PCDHGA6: variants seen among roughly 807,000 people sequenced by gnomAD.
PCDHGA6 encodes protocadherin gamma-A6.
Under a neutral mutation model 60.6 loss-of-function variants are expected in PCDHGA6, and 41 were observed. The observed-to-expected ratio is 0.68, with a 90% CI of 0.53 to 0.88. The LOEUF is 0.88. Among genes scored for constraint, PCDHGA6 ranks in the 40% least tolerant of loss-of-function variants. PCDHGA6 has a pLI of 0.00. For missense variants in PCDHGA6, 1,312 were observed against 1,203.0 expected, an observed-to-expected ratio of 1.09 and a Z score of -1.34; for synonymous variants, 594 against 524.4, an observed-to-expected ratio of 1.13 and a Z score of -1.81.
intron 1 of PCDHGA6, chr5:141,423,398 G>C (rs767594062): frequency 6.8e-6 from 11 of 1,614,172 alleles, no homozygotes; most frequent in Non-Finnish European, 9.3e-6. Context: ...CATAAGTCAC[G>C]CCTGCTGCAG....
chr5:141,444,475 A>C (rs572738630), intron 1 of PCDHGA6, among the ~76,000 whole-genome samples: 2 of 152,110 alleles, frequency 1.3e-5, no homozygotes, highest in East Asian at 3.9e-4. Context: ...CCGGTCGCGT[A>C]CTGGATTTAT....
At chr5:141,451,124 A>T (rs2098707796) in intron 1 of PCDHGA6, among the ~76,000 whole-genome samples, 1 of 152,102 alleles carries the variant, frequency 6.6e-6, no homozygotes, top group Non-Finnish European at 1.5e-5. Context: ...CACCACACCC[A>T]GCCTTATGAT....
At chr5:141,414,421 A>G (rs1250470349) in intron 1 of PCDHGA6, 1 of 1,613,776 alleles carries the variant, frequency 6.2e-7, no homozygotes, top group African/African-American at 1.3e-5. Flanking sequence ...AGCCCTTGAC[A>G]GGGAACAGGT....
intron 1 of PCDHGA6, chr5:141,404,856 G>C (rs1405688914): frequency 6.2e-7 from 1 of 1,613,890 alleles, no homozygotes; most frequent in Admixed American, 1.7e-5. Flanking sequence ...CTGCTAGATA[G>C]AGATGCGCTC....
chr5:141,489,150 T>C lies in PCDHGA6; in HGVS notation c.2425-5657T>C. The C allele has an allele frequency of 1.7e-5, 15 of 862,654 alleles. No individual in the cohort carries two copies. Among genetic ancestry groups the C allele is most frequent in the Middle Eastern group, 2.5e-4 (1 of 4,044 alleles). 53.4% of individuals were successfully genotyped at this position (862,654 alleles called of 1,614,324 possible). On this transcript the variant is annotated intron_variant, in intron 1 of 3. Transcript: ENST00000517434. The surrounding 1 kb of genome is among the most constrained non-coding windows in gnomAD (Gnocchi z 4.5). ...GTTTTTAAGAGGCTGGAAGGAGACA[T>C]AAGAGACTTCAGCTGCTGCATTCCA...
At chr5:141,382,988 G>A (rs958046112) in intron 1 of PCDHGA6, 1 of 1,613,208 alleles carries the variant, frequency 6.2e-7, no homozygotes, top group East Asian at 2.2e-5. Context: ...TGGGCAGGAC[G>A]TATTCTCTAC....
chr5:141,476,438 C>G lies in PCDHGA6; in HGVS notation c.2425-18369C>G. On this transcript the variant is annotated intron_variant, in intron 1 of 3. Coordinates refer to ENST00000517434, the MANE Select transcript of PCDHGA6 (RefSeq NM_018919.3). This position sits in a 1 kb window ranked among gnomAD's most constrained non-coding sequence, Gnocchi z 7.6. The stretch of plus-strand genomic sequence containing the variant: ...GACACTGCCCTCTTGCACTGTAACT[C>G]TGGAGTTGGTAGTGGAGAACCCGCT... 1 of 1,614,090 alleles carries G rather than the reference C, an allele frequency of 6.2e-7. No homozygotes were observed. Among genetic ancestry groups the G allele is most frequent in the Non-Finnish European group, 8.5e-7 (1 of 1,180,026 alleles).
intron 1 of PCDHGA6, chr5:141,384,125 A>T (rs376990785): frequency 1.2e-6 from 2 of 1,610,814 alleles, no homozygotes; most frequent in Non-Finnish European, 1.7e-6. Flanking sequence ...ACAACCAAAA[A>T]CTTGGACCGG....
At chr5:141,388,657 G>A (rs769160604) in intron 1 of PCDHGA6, 2 of 1,613,760 alleles carry the variant, frequency 1.2e-6, no homozygotes, top group Admixed American at 1.7e-5. Context: ...GTGTACCCGG[G>A]GACCACGGTG....
intron 1 of PCDHGA6, chr5:141,399,764 T>C: frequency 6.2e-7 from 1 of 1,613,252 alleles, no homozygotes; most frequent in Non-Finnish European, 8.5e-7. Flanking sequence ...AGCCTGCGCG[T>C]GTTGGTGGGC....
At chr5:141,418,740 TG>T in intron 1 of PCDHGA6, 1 of 1,613,972 alleles carries the variant, frequency 6.2e-7, no homozygotes, top group Non-Finnish European at 8.5e-7. Context: ...GTGTTCTCTC[TG>T]GATTACACTA....
intron 1 of PCDHGA6, among the ~76,000 whole-genome samples, chr5:141,463,573 C>T (rs1331124291): frequency 6.6e-6 from 1 of 151,436 alleles, no homozygotes; most frequent in East Asian, 1.9e-4. Flanking sequence ...CTCAGCCTCC[C>T]GAGTAGCTGG....
Position 141,375,770 on chromosome 5 carries a change from C to T in PCDHGA6, c.1687C>T (p.Leu563=). The part of the protein sequence containing the change: ...LDQNDNAPEI[L]YPALPTDGST... ...CCAGAATGACAATGCGCCCGAGATC[C>T]TGTACCCCGCCCTCCCCACAGACGG... The change falls in exon 1 of 4, where the codon CTG becomes TTG. Residue 563 remains leucine, a synonymous_variant. Transcript: ENST00000517434. The T allele has an allele frequency of 6.2e-7, 1 of 1,614,268 alleles. No homozygotes were observed. The highest frequency in any genetic ancestry group is 2.2e-5 in the East Asian group (1 of 44,884).
At position 141,485,331 on chromosome 5, in the gene PCDHGA6, T is replaced by G; in HGVS notation, c.2425-9476T>G. 6.2e-7 allele frequency: 1 copy of G among 1,614,166 alleles called. No individual in the cohort carries two copies. Among genetic ancestry groups the G allele is most frequent in the Admixed American group, 1.7e-5 (1 of 60,022 alleles). Reference sequence around the variant, plus strand: ...GTAGGGAATGTCGCTCAAGATTTCCTGCTGGATACGGACAGTCTGTCAGCT... The same window carrying G: ...GTAGGGAATGTCGCTCAAGATTTCCGGCTGGATACGGACAGTCTGTCAGCT... On this transcript the variant is annotated intron_variant, in intron 1 of 3. Coordinates refer to ENST00000517434, the MANE Select transcript of PCDHGA6 (RefSeq NM_018919.3). The surrounding 1 kb of genome is among the most constrained non-coding windows in gnomAD (Gnocchi z 5.7).
intron 1 of PCDHGA6, chr5:141,410,784 G>T (rs1352997810): frequency 1.2e-6 from 1 of 817,034 alleles, no homozygotes; most frequent in Non-Finnish European, 1.7e-6. Context: ...CTATGTATTT[G>T]GTTCATAAGT....
intron 1 of PCDHGA6, chr5:141,388,301 G>C (rs1323976869): frequency 6.2e-7 from 1 of 1,613,606 alleles, no homozygotes; most frequent in African/African-American, 1.3e-5. Context: ...ATTCCTTTGA[G>C]CTGCAAATAA....
intron 1 of PCDHGA6, chr5:141,419,822 T>A: frequency 6.2e-7 from 1 of 1,614,058 alleles, no homozygotes; most frequent in Non-Finnish European, 8.5e-7. Flanking sequence ...GCCACCCCTT[T>A]CAGCCACTGC....
chr5:141,471,047 T>C (rs1270779800), intron 1 of PCDHGA6, among the ~76,000 whole-genome samples: 3 of 63,666 alleles, frequency 4.7e-5, no homozygotes. Flanking sequence ...CCAAGCCCTC[T>C]TTTTTTTTTT....
chr5:141,491,598 C>T lies in PCDHGA6; in HGVS notation c.2425-3209C>T, dbSNP rs1410472886. On this transcript the variant is annotated intron_variant, in intron 1 of 3. Transcript: ENST00000517434. This position sits in a 1 kb window ranked among gnomAD's most constrained non-coding sequence, Gnocchi z 6.9. ...TTTCACCGGCCTCGGACGGCAGTGA[C>T]TTCACTTTTCTAAGACCCCTCAGCG... 1.4e-5 allele frequency: 22 copies of T among 1,613,872 alleles called. No homozygotes were observed. The highest frequency in any genetic ancestry group is 1.8e-5 in the Non-Finnish European group (21 of 1,180,048).
Sources: gnomAD v4.1 joint callset for allele counts (sites outside exome capture counted in the v4.1 genomes callset) on GRCh38, gnomAD v4.1.1 for gene constraint, Gnocchi (gnomAD v3.1) non-coding constraint, MANE v1.5 for transcripts, NCBI Gene and HGNC (gene_info 2026-07-23, HGNC 2026-07-21) for gene names.